Variants in IL7 observed in about 807,000 individuals in gnomAD.
IL7 encodes the protein interleukin 7, also known as interleukin-7.
A neutral mutation model predicts 21.6 loss-of-function variants in IL7; 3 were observed. That is an observed-to-expected ratio of 0.14 (90% CI 0.06 to 0.36). The LOEUF (loss-of-function observed/expected upper bound fraction) is 0.36. Among genes scored for constraint, IL7 ranks in the 10% least tolerant of loss-of-function variants. The probability of loss-of-function intolerance (pLI) is 1.00; values close to 1 mark genes in which losing one functional copy is unlikely to be tolerated. For missense variants in IL7, 175 were observed against 200.2 expected, an observed-to-expected ratio of 0.87 and a Z score of 0.76; for synonymous variants, 62 against 68.1, an observed-to-expected ratio of 0.91 and a Z score of 0.44.
chr8:78,692,268 A>G (rs192532514), intron 3 of IL7, among the ~76,000 whole-genome samples: 40 of 152,268 alleles, frequency 2.6e-4, no homozygotes, highest in Admixed American at 1.4e-3. Flanking sequence ...TTTAGATTCT[A>G]CATGTAAGTG....
intron 4 of IL7, among the ~76,000 whole-genome samples, chr8:78,683,166 A>G (rs956810228): frequency 2.6e-5 from 4 of 151,402 alleles, no homozygotes; most frequent in Admixed American, 6.6e-5. Flanking sequence ...CGGTGGATCT[A>G]CCATTCTGGG....
intron 3 of IL7, among the ~76,000 whole-genome samples, chr8:78,711,612 T>C (rs962224363): frequency 2.0e-5 from 3 of 152,110 alleles, no homozygotes; most frequent in Non-Finnish European, 4.4e-5. Context: ...GTAGAGAAAG[T>C]TTCCATGAAT....
intron 2 of IL7, among the ~76,000 whole-genome samples, chr8:78,763,275 C>T (rs1397604734): frequency 1.3e-5 from 2 of 152,122 alleles, no homozygotes; most frequent in African/African-American, 4.8e-5. Context: ...AAAGTTAATA[C>T]CTTCAAATAA....
At chr8:78,760,632 G>A in intron 2 of IL7, 2 of 1,578,250 alleles carry the variant, frequency 1.3e-6, no homozygotes, top group South Asian at 1.1e-5. Context: ...AGAGCTTTGA[G>A]GTGCTGTTCT....
At chr8:78,774,340 T>C (rs1813061598) in intron 2 of IL7, among the ~76,000 whole-genome samples, 1 of 152,102 alleles carries the variant, frequency 6.6e-6, no homozygotes, top group Admixed American at 6.6e-5. Context: ...TTCTTTGTGA[T>C]GACAATAAGT....
Position 78,723,043 on chromosome 8 carries a change from A to G in IL7, n.268-1603T>C, listed in dbSNP as rs545653065. Among the ~76,000 whole-genome samples, 5 of 149,720 alleles carry G rather than the reference A, an allele frequency of 3.3e-5. No individual in the cohort carries two copies. The South Asian group carries it at 1.0e-3, about 31-fold the overall frequency. ...GGGAATACATGCATTCTTTCTAGATAGTCTTTCATTTTCCAAAGGAAAGCC... is the reference window on the plus strand; with the variant it reads ...GGGAATACATGCATTCTTTCTAGATGGTCTTTCATTTTCCAAAGGAAAGCC... On this transcript the variant is annotated intron_variant and non_coding_transcript_variant, in intron 3 of 6. Coordinates refer to the IL7 transcript ENST00000519833.
At chr8:78,794,615 A>C (rs575159675) in intron 2 of IL7, among the ~76,000 whole-genome samples, 1 of 152,056 alleles carries the variant, frequency 6.6e-6, no homozygotes, top group Non-Finnish European at 1.5e-5. Flanking sequence ...ACTTTTACCA[A>C]TCATCTTAGC....
At chr8:78,687,589 AT>A (rs1169063448) in intron 3 of IL7, among the ~76,000 whole-genome samples, 1 of 140,290 alleles carries the variant, frequency 7.1e-6, no homozygotes, top group Non-Finnish European at 1.5e-5. Flanking sequence ...TACGTAATAA[AT>A]TATATATATT....
intron 4 of IL7, among the ~76,000 whole-genome samples, chr8:78,681,513 G>C (rs77179660): frequency 0.1 from 15,960 of 152,182 alleles, 1,096 homozygotes; most frequent in Admixed American, 0.15. Flanking sequence ...AATCAGAGAA[G>C]TAGATAATGT....
At position 78,786,738 on chromosome 8, in the gene IL7, A is replaced by G. The variant is rs973349812; in HGVS notation, c.147+11334T>C. ...CCCAGATTCCTGACACACAACCCAT[A>G]AAATCCTTGAAACCTCCAAAGGAAT... On this transcript the variant is annotated intron_variant, in intron 2 of 5. Transcript: ENST00000263851. 2.6e-5 allele frequency among the ~76,000 whole-genome samples: 4 copies of G among 152,300 alleles called. No individual in the cohort carries two copies. In the South Asian group the frequency reaches 8.3e-4, roughly 32 times the overall value.
intron 3 of IL7, among the ~76,000 whole-genome samples, chr8:78,699,405 C>G (rs922469403): frequency 6.6e-6 from 1 of 152,054 alleles, no homozygotes; most frequent in Non-Finnish European, 1.5e-5. Context: ...AGGTGTATGT[C>G]TATATCTTTA....
rs900976157 is a variant in IL7, at chr8:78,738,529, G to T, written c.335C>A (p.Thr112Lys). 7 of 1,613,574 alleles carry T rather than the reference G, an allele frequency of 4.3e-6. No individual in the cohort carries two copies. Among genetic ancestry groups the T allele is most frequent in the Non-Finnish European group, 5.9e-6 (7 of 1,179,606 alleles). Residue 112 changes from threonine (T) to lysine (K), a missense_variant, in exon 4 of 6, where the codon ACA becomes AAA. Physicochemically the swap from Thr to Lys is moderately conservative, Grantham distance 78. Transcript: ENST00000263851. ...LHLLKVSEGTTILLNCTGQVK... is the reference protein window; with the variant it reads ...LHLLKVSEGTKILLNCTGQVK... ...CTGGCCAGTGCAGTTCAACAGTATTGTTGTGCCTTCTGAAACTTTTAATAA... is the reference window on the plus strand; with the variant it reads ...CTGGCCAGTGCAGTTCAACAGTATTTTTGTGCCTTCTGAAACTTTTAATAA...
intron 2 of IL7, among the ~76,000 whole-genome samples, chr8:78,796,602 T>C (rs1445331902): frequency 1.3e-5 from 2 of 151,900 alleles, no homozygotes; most frequent in East Asian, 3.9e-4. Context: ...AAATGTGAGT[T>C]CAGACACCTC....
At chr8:78,682,919 C>A (rs1195331722) in intron 4 of IL7, among the ~76,000 whole-genome samples, 1 of 152,196 alleles carries the variant, frequency 6.6e-6, no homozygotes, top group Non-Finnish European at 1.5e-5. Flanking sequence ...AAAGGGGCCA[C>A]AGGCTCCATG....
rs139871923 is a variant in IL7 at position 78,678,516 on chromosome 8, C to T, written n.274-2412G>A. On this transcript the variant is annotated intron_variant and non_coding_transcript_variant, in intron 4 of 4. Coordinates refer to the IL7 transcript ENST00000523959. ...TGTAAATAAAGTTCTGTAGTCTTAC[C>T]TTCTGTAGAAAAGAAAATGATAGGC... The T allele has an allele frequency of 8.1e-4, 1,192 of 1,478,444 alleles. 9 individuals are homozygous for T. In the African/African-American group the frequency reaches 0.015, roughly 19 times the overall value. 91.6% of individuals were successfully genotyped at this position (1,478,444 alleles called of 1,614,324 possible). A position where few individuals can be genotyped will look rare whatever the true frequency, so the allele number is the denominator to read the frequency against.
At chr8:78,757,536 T>C (rs1812389472) in intron 2 of IL7, among the ~76,000 whole-genome samples, 1 of 152,106 alleles carries the variant, frequency 6.6e-6, no homozygotes, top group Non-Finnish European at 1.5e-5. Flanking sequence ...TCTTTAGCTC[T>C]AATAATATTT....
chr8:78,751,966 T>C (rs1285355484), intron 2 of IL7, among the ~76,000 whole-genome samples: 1 of 152,318 alleles, frequency 6.6e-6, no homozygotes, highest in African/African-American at 2.4e-5. Flanking sequence ...TTTTATTCTC[T>C]ACTTCCATGA....
chr8:78,677,460 T>A (rs13263064), intron 4 of IL7, among the ~76,000 whole-genome samples: 23,955 of 151,958 alleles, frequency 0.16, 2,052 homozygotes, highest in Middle Eastern at 0.3. Context: ...AAAGAATTAG[T>A]ATGGGAGAAG....
chr8:78,753,213 T>G (rs1295385725), intron 2 of IL7, among the ~76,000 whole-genome samples: 1 of 152,198 alleles, frequency 6.6e-6, no homozygotes, highest in Non-Finnish European at 1.5e-5. Flanking sequence ...TGCAAAAACG[T>G]TCCTATTTCT....
Sources: gnomAD v4.1 joint callset for allele counts (sites outside exome capture counted in the v4.1 genomes callset) on GRCh38, gnomAD v4.1.1 for gene constraint, MANE v1.5 for transcripts, NCBI Gene and HGNC (gene_info 2026-07-23, HGNC 2026-07-21) for gene names.